Variants in PHLPP1 observed in about 807,000 individuals in gnomAD.
The protein encoded by PHLPP1 is PH domain leucine-rich repeat-containing protein phosphatase 1.
A neutral mutation model predicts 117.2 loss-of-function variants in PHLPP1; 42 were observed. The observed-to-expected ratio is 0.36, with a 90% CI of 0.28 to 0.46. PHLPP1 has a LOEUF of 0.46. Among genes scored for constraint, PHLPP1 ranks in the 20% least tolerant of loss-of-function variants. The pLI, the probability that PHLPP1 is intolerant of heterozygous loss-of-function variation, is 1.00. For missense variants in PHLPP1, 2,084 were observed against 2,241.9 expected, an observed-to-expected ratio of 0.93 and a Z score of 1.42; for synonymous variants, 1,042 against 970.7, an observed-to-expected ratio of 1.07 and a Z score of -1.37.
At chr18:62,827,478 C>T (rs1354953013) in intron 1 of PHLPP1, among the ~76,000 whole-genome samples, 1 of 152,168 alleles carries the variant, frequency 6.6e-6, no homozygotes, top group Non-Finnish European at 1.5e-5. Context: ...AAGGAGGGTG[C>T]ACCTGGGTGA....
rs745492342 is a variant in PHLPP1 at position 62,979,422 on chromosome 18, G to A, written c.5145G>A (p.Thr1715=). The A allele has an allele frequency of 5.5e-5, 86 of 1,551,108 alleles. No homozygotes were observed. Among genetic ancestry groups the A allele is most frequent in the Non-Finnish European group, 7.1e-5 (81 of 1,146,810 alleles). The change falls in exon 17 of 17, where the codon ACG becomes ACA. Residue 1715 remains threonine (T), a synonymous_variant. Coordinates refer to ENST00000262719, the MANE Select transcript of PHLPP1 (RefSeq NM_194449.4). ...QLDQLPDYYD[T]PL ...ACCAGCTGCCAGATTATTACGACAC[G>A]CCACTATGACCCAGCCGAGCTGTTT...
At chr18:62,758,756 T>G (rs1912112911) in intron 1 of PHLPP1, among the ~76,000 whole-genome samples, 2 of 152,090 alleles carry the variant, frequency 1.3e-5, no homozygotes, top group African/African-American at 4.8e-5. Flanking sequence ...CCTTAGGAGT[T>G]GAAACAAAAC....
chr18:62,849,667 A>C (rs1005529478), intron 3 of PHLPP1, among the ~76,000 whole-genome samples: 2 of 148,108 alleles, frequency 1.4e-5, no homozygotes, highest in Admixed American at 1.3e-4. Flanking sequence ...AAAAAAAAAA[A>C]AATCTACCAG....
rs1280745105 is a variant in PHLPP1 at position 62,716,868 on chromosome 18, C to A, written c.1185C>A (p.Arg395=). Residue 395 remains arginine (R), a synonymous_variant, in exon 1 of 17, where the codon CGC becomes CGA. Transcript: ENST00000262719. The surrounding 1 kb of genome is among the most constrained non-coding windows in gnomAD (Gnocchi z 5.7). ...SAPTGVPGQP[R]RPGHPAQPLP... ...CGACGGGGGTCCCGGGCCAGCCCCG[C>A]CGTCCCGGCCACCCCGCGCAGCCCC... The A allele has an allele frequency of 6.6e-7, 1 of 1,522,958 alleles. No homozygotes were observed. The highest frequency in any genetic ancestry group is 8.8e-7 in the Non-Finnish European group (1 of 1,141,394). 94.3% of individuals were successfully genotyped at this position (1,522,958 alleles called of 1,614,324 possible).
In PHLPP1 at chr18:62,860,573, G is replaced by T; in HGVS notation, c.2038G>T (p.Ala680Ser). 1 of 1,613,206 alleles carries T rather than the reference G, an allele frequency of 6.2e-7. No individual in the cohort carries two copies. The highest frequency in any genetic ancestry group is 8.5e-7 in the Non-Finnish European group (1 of 1,179,580). Residue 680 changes from alanine (A) to serine (S), a missense_variant, in exon 4 of 17, where the codon GCT becomes TCT. Transcript: ENST00000262719. ...NFLRQNPSLP[A>S]ARGLNELQRF... ...CCTAAGGCAGAACCCTAGCCTTCCA[G>T]CTGCCAGGGGGCTTAATGAACTGCA...
At chr18:62,916,605 G>GTGTGTGTGTGTGTGTGT (rs1909283535) in intron 9 of PHLPP1, among the ~76,000 whole-genome samples, 2 of 145,768 alleles carry the variant, frequency 1.4e-5, no homozygotes, top group African/African-American at 5.1e-5. Flanking sequence ...CAAGAGGGTG[G>GTGTGTGTGTGTGTGTGT]GTGTGTGTGT....
chr18:62,842,018 A>G (rs1229517042), intron 3 of PHLPP1, among the ~76,000 whole-genome samples: 3 of 152,148 alleles, frequency 2.0e-5, no homozygotes, highest in Non-Finnish European at 4.4e-5. Flanking sequence ...TCATCTAATA[A>G]GGGGAATAAT....
chr18:62,840,219 G>T (rs1915017140), intron 3 of PHLPP1, among the ~76,000 whole-genome samples: 1 of 152,172 alleles, frequency 6.6e-6, no homozygotes, highest in African/African-American at 2.4e-5. Context: ...AAAAACCATT[G>T]CCTGATGATG....
intron 12 of PHLPP1, among the ~76,000 whole-genome samples, chr18:62,955,223 T>C (rs1910578309): frequency 6.6e-6 from 1 of 152,182 alleles, no homozygotes; most frequent in African/African-American, 2.4e-5. Context: ...ATGCATGAGC[T>C]GCAGGCACTC....
At chr18:62,896,163 T>C (rs1916558745) in intron 6 of PHLPP1, among the ~76,000 whole-genome samples, 152 bp downstream of exon 6, 1 of 152,152 alleles carries the variant, frequency 6.6e-6, no homozygotes, top group Non-Finnish European at 1.5e-5. Flanking sequence ...TGATTAATAG[T>C]AGGGTTTGCT....
At chr18:62,798,342 C>A (rs1046480011) in intron 1 of PHLPP1, among the ~76,000 whole-genome samples, 1 of 152,168 alleles carries the variant, frequency 6.6e-6, no homozygotes, top group Non-Finnish European at 1.5e-5. Flanking sequence ...TGATTCCACT[C>A]ATCCTTTTTG....
chr18:62,775,191 G>A (rs753085303), intron 1 of PHLPP1, among the ~76,000 whole-genome samples: 2 of 152,010 alleles, frequency 1.3e-5, no homozygotes, highest in African/African-American at 4.8e-5. Flanking sequence ...TCTGCCTCCC[G>A]GGTTCAAGCA....
chr18:62,837,601 C>T (rs1406051749), intron 2 of PHLPP1: 5 of 151,206 alleles, frequency 3.3e-5, no homozygotes, highest in African/African-American at 1.2e-4. Flanking sequence ...TCACCAATTG[C>T]TAGTTTTTAT....
At chr18:62,750,362 TCTCTCCCTG>T (rs1382078298) in intron 1 of PHLPP1, among the ~76,000 whole-genome samples, 1 of 152,140 alleles carries the variant, frequency 6.6e-6, no homozygotes. Flanking sequence ...TCTCTCTCTG[TCTCTCCCTG>T]CTCTCCCTCT....
rs556461316 is a variant in PHLPP1, at chr18:62,822,030, A to G, written c.1577-8005A>G. Among the ~76,000 whole-genome samples, 31 of 152,258 alleles carry G rather than the reference A, an allele frequency of 2.0e-4. No individual in the cohort carries two copies. The East Asian group carries it at 5.0e-3, about 25-fold the overall frequency. On this transcript the variant is annotated intron_variant, in intron 1 of 16. Coordinates refer to ENST00000262719, the MANE Select transcript of PHLPP1 (RefSeq NM_194449.4). ...AAGATCACCTGAGCCCAGGAGTTTGATGTTACACAGAGCCATGATTGTGGT... is the reference window on the plus strand; with the variant it reads ...AAGATCACCTGAGCCCAGGAGTTTGGTGTTACACAGAGCCATGATTGTGGT...
chr18:62,902,646 T>A (rs913837436), intron 6 of PHLPP1, among the ~76,000 whole-genome samples: 1 of 152,238 alleles, frequency 6.6e-6, no homozygotes, highest in African/African-American at 2.4e-5. Flanking sequence ...CCTAGTTCTT[T>A]GGAAGTCAGT....
chr18:62,970,392 TTTG>T (rs1911018287), intron 14 of PHLPP1, among the ~76,000 whole-genome samples: 1 of 152,246 alleles, frequency 6.6e-6, no homozygotes, highest in Non-Finnish European at 1.5e-5. Context: ...CAGATAATTC[TTTG>T]TTGTTGCCTC....
intron 1 of PHLPP1, among the ~76,000 whole-genome samples, chr18:62,828,520 T>C (rs1568130049): frequency 6.6e-6 from 1 of 152,196 alleles, no homozygotes; most frequent in East Asian, 1.9e-4. Flanking sequence ...CAGCAAAATT[T>C]TGTAGTGTGA....
chr18:62,791,218 T>C (rs1913447085), intron 1 of PHLPP1, among the ~76,000 whole-genome samples: 1 of 152,194 alleles, frequency 6.6e-6, no homozygotes, highest in African/African-American at 2.4e-5. Flanking sequence ...GAAAACAAGC[T>C]GTTCAGATAC....
Sources: gnomAD v4.1 joint callset for allele counts (sites outside exome capture counted in the v4.1 genomes callset) on GRCh38, gnomAD v4.1.1 for gene constraint, Gnocchi (gnomAD v3.1) non-coding constraint, MANE v1.5 for transcripts, NCBI Gene and HGNC (gene_info 2026-07-23, HGNC 2026-07-21) for gene names.